Variants in ARHGEF26 observed in about 807,000 individuals in gnomAD.
The protein encoded by ARHGEF26 is Rho guanine nucleotide exchange factor 26.
In ARHGEF26, 59 loss-of-function variants were observed where a neutral mutation model predicts 89.4. The observed-to-expected ratio is 0.66, with a 90% CI of 0.54 to 0.82. The LOEUF is 0.82. ARHGEF26 is among the 40% of genes least tolerant of loss of function. ARHGEF26 has a pLI of 0.00. For synonymous variants in ARHGEF26, 500 were observed against 428.4 expected (o/e 1.17, Z -2.06); for missense variants, 1,234 against 1,085.6 (o/e 1.14, Z -1.92).
At chr3:154,181,082 G>A (rs1169853355) in intron 6 of ARHGEF26, among the ~76,000 whole-genome samples, 2 of 152,106 alleles carry the variant, frequency 1.3e-5, no homozygotes, top group African/African-American at 2.4e-5. Context: ...CCCTGATCCA[G>A]TATGTCAAAA....
intron 3 of ARHGEF26, among the ~76,000 whole-genome samples, chr3:154,126,843 TTTG>T (rs1057447258): frequency 6.6e-5 from 10 of 152,172 alleles, no homozygotes; most frequent in African/African-American, 2.2e-4. Context: ...CTTGGGCAGT[TTTG>T]TTGTTGTGCA....
chr3:154,161,664 GTTTATT>G (rs2108118632), intron 6 of ARHGEF26, among the ~76,000 whole-genome samples: 1 of 152,252 alleles, frequency 6.6e-6, no homozygotes, highest in South Asian at 2.1e-4. Context: ...GTTTGCATGA[GTTTATT>G]TTTAAAGGTA....
chr3:154,154,830 C>CTGTA (rs1301816257), intron 6 of ARHGEF26, among the ~76,000 whole-genome samples: 10 of 151,998 alleles, frequency 6.6e-5, no homozygotes. Flanking sequence ...AGCCGCCTAT[C>CTGTA]TGTATGAGCA....
intron 9 of ARHGEF26, among the ~76,000 whole-genome samples, chr3:154,200,353 A>G (rs1381953028): frequency 6.6e-6 from 1 of 152,126 alleles, no homozygotes; most frequent in East Asian, 1.9e-4. Context: ...CACTTTTGTC[A>G]TAAATGAGTT....
chr3:154,168,826 T>C (rs1712219061), intron 6 of ARHGEF26, among the ~76,000 whole-genome samples: 1 of 152,092 alleles, frequency 6.6e-6, no homozygotes, highest in African/African-American at 2.4e-5. Context: ...TCTGCCACTT[T>C]TTTTTTTCTC....
Position 154,255,411 on chromosome 3 carries a change from G to A in ARHGEF26, c.2554G>A (p.Ala852Thr), listed in dbSNP as rs887326266. Residue 852 changes from alanine (A) to threonine (T), a missense_variant, in exon 15 of 15, where the codon GCT becomes ACT. By Grantham distance (58) the Ala-to-Thr change is moderately conservative (BLOSUM62 0). Transcript: ENST00000465093. The stretch of plus-strand genomic sequence containing the variant: ...ATGTGCCAAGGAGATAACATGTCAA[G>A]CTACAATTGATAAGAATGTGGAGAG... Reference protein sequence around the residue: ...MECAKEITCQATIDKNVERMG... With the variant: ...MECAKEITCQTTIDKNVERMG... The A allele has an allele frequency of 5.0e-6, 8 of 1,613,680 alleles. No homozygotes were observed. In the African/African-American group the frequency reaches 8.0e-5, roughly 16 times the overall value.
rs202052244 is a variant in ARHGEF26 at position 154,187,652 on chromosome 3, A to G, written c.1488-33A>G. On this transcript the variant is annotated intron_variant, in intron 6 of 14. Coordinates refer to ENST00000465093, the MANE Select transcript of ARHGEF26 (RefSeq NM_015595.4). ...GTTATCTGTTAGAGTGTATGAAAGA[A>G]GTGTTAATTTTTTTTTCCCTTTGGT... 7.9e-4 allele frequency: 1,233 copies of G among 1,557,336 alleles called. 15 individuals carry two copies. Among genetic ancestry groups the G allele is most frequent in the South Asian group, 6.8e-3 (574 of 84,068 alleles).
In ARHGEF26 at chr3:154,256,435, A is replaced by G. The variant is rs981259916; in HGVS notation, c.*962A>G. 6 of 806,976 alleles carry G rather than the reference A, an allele frequency of 7.4e-6. No individual in the cohort carries two copies. The highest frequency in any genetic ancestry group is 6.3e-5 in the Admixed American group (1 of 15,766). 50.0% of individuals were successfully genotyped at this position (806,976 alleles called of 1,614,324 possible). On this transcript the variant is annotated 3_prime_UTR_variant, in exon 15 of 15. Transcript: ENST00000465093. ...ACAGGGTTTCATCATGTTGGCCAGG[A>G]TGGTCTCTTAACTCCTGCCCTCAAG... is the stretch of plus-strand genomic sequence containing the variant.
chr3:154,124,350 A>G, intron 2 of ARHGEF26, 60 bp from the exon 3 acceptor site: 1 of 1,143,634 alleles, frequency 8.7e-7, no homozygotes, highest in Non-Finnish European at 1.2e-6. Flanking sequence ...TATTTGGCTC[A>G]TTCATACATA....
rs1424604329 is a variant in ARHGEF26, at chr3:154,257,437, G to A, written c.*1964G>A. 6.6e-6 allele frequency: 1 copy of A among 152,316 alleles called. No individual in the cohort carries two copies. The highest frequency in any genetic ancestry group is 2.4e-5 in the African/African-American group (1 of 41,462). 9.4% of individuals were successfully genotyped at this position (152,316 alleles called of 1,614,324 possible). A position where few individuals can be genotyped will look rare whatever the true frequency, so the allele number is the denominator to read the frequency against. ...TTTATTTAGGAAGGAAGGTAAATTT[G>A]TGCTTGCACGGGGATCATTTTGTAT... On this transcript the variant is annotated 3_prime_UTR_variant, in exon 15 of 15. Transcript: ENST00000465093.
rs551828548 is a variant in ARHGEF26, at chr3:154,122,236, C to T, written c.244C>T (p.Leu82=). The change falls in exon 2 of 15, where the codon CTG becomes TTG. Residue 82 remains leucine (L), a synonymous_variant. Coordinates refer to ENST00000465093, the MANE Select transcript of ARHGEF26 (RefSeq NM_015595.4). ...SDSRTVHRSP[L]LLGAQRRAVA... ...CAGCAGGACGGTACATAGGAGCCCC[C>T]TGCTTCTGGGCGCCCAGCGGAGAGC... The T allele has an allele frequency of 1.2e-6, 2 of 1,610,528 alleles. No homozygotes were observed. Among genetic ancestry groups the T allele is most frequent in the Admixed American group, 1.7e-5 (1 of 59,628 alleles).
chr3:154,130,483 C>G (rs549274066), intron 4 of ARHGEF26, among the ~76,000 whole-genome samples: 1 of 152,086 alleles, frequency 6.6e-6, no homozygotes, highest in African/African-American at 2.4e-5. Flanking sequence ...TTTATATATT[C>G]TTAAAGCTGA....
chr3:154,149,517 A>G, intron 5 of ARHGEF26, 72 bp downstream of exon 5: 1 of 1,328,582 alleles, frequency 7.5e-7, no homozygotes, highest in South Asian at 1.5e-5. Flanking sequence ...TTGTGTTTTC[A>G]CTTACTGTGT....
intron 13 of ARHGEF26, 142 bp downstream of exon 13, chr3:154,253,325 G>A (rs1576835419): frequency 2.2e-6 from 2 of 892,052 alleles, no homozygotes; most frequent in Non-Finnish European, 3.4e-6. Context: ...CACCAAAAAT[G>A]TATGATCCTT....
In ARHGEF26 at chr3:154,129,626, T is replaced by G. The variant is rs773079785; in HGVS notation, c.1176T>G (p.Ser392=). The part of the protein sequence containing the change: ...NYKEKALDID[S]DEESEPKEQK... ...AGGAAAAGGCCCTTGACATTGATTC[T>G]GATGAAGAGTCAGAGCCCAAAGAAC... The change falls in exon 4 of 15, where the codon TCT becomes TCG. Residue 392 remains serine, a synonymous_variant. Coordinates refer to ENST00000465093, the MANE Select transcript of ARHGEF26 (RefSeq NM_015595.4). 1.2e-6 allele frequency: 2 copies of G among 1,611,772 alleles called. No individual in the cohort carries two copies. Among genetic ancestry groups the G allele is most frequent in the Non-Finnish European group, 1.7e-6 (2 of 1,178,898 alleles).
intron 6 of ARHGEF26, among the ~76,000 whole-genome samples, chr3:154,175,757 ATGTTTTGTTT>A (rs974533012): frequency 1.6e-4 from 25 of 152,158 alleles, no homozygotes; most frequent in South Asian, 1.0e-3. Flanking sequence ...TTGGCACTGT[ATGTTTTGTTT>A]TGTTTTGTTT....
At chr3:154,168,097 T>TAC (rs1712161248) in intron 6 of ARHGEF26, among the ~76,000 whole-genome samples, 1 of 152,224 alleles carries the variant, frequency 6.6e-6, no homozygotes, top group Non-Finnish European at 1.5e-5. Flanking sequence ...ATTAATAAAC[T>TAC]ACTTCCATGG....
intron 4 of ARHGEF26, among the ~76,000 whole-genome samples, chr3:154,131,964 A>T (rs1227494461): frequency 6.6e-6 from 1 of 152,230 alleles, no homozygotes; most frequent in Non-Finnish European, 1.5e-5. Context: ...TCATAGAACT[A>T]TCTTGTAATA....
chr3:154,121,946 G>A lies in ARHGEF26; in HGVS notation c.-47G>A. ...CCTAACTTCTTTCCTCTTTAGGCAAGACTAACTCGGTGTTGCTCCTCCCGG... is the reference window on the plus strand; with the variant it reads ...CCTAACTTCTTTCCTCTTTAGGCAAAACTAACTCGGTGTTGCTCCTCCCGG... On this transcript the variant is annotated 5_prime_UTR_variant, in exon 2 of 15. Transcript: ENST00000465093. 9 of 1,542,552 alleles carry A rather than the reference G, an allele frequency of 5.8e-6. No homozygotes were observed. The highest frequency in any genetic ancestry group is 7.9e-6 in the Non-Finnish European group (9 of 1,140,744).
Sources: gnomAD v4.1 joint callset for allele counts (sites outside exome capture counted in the v4.1 genomes callset) on GRCh38, gnomAD v4.1.1 for gene constraint, MANE v1.5 for transcripts, NCBI Gene and HGNC (gene_info 2026-07-23, HGNC 2026-07-21) for gene names.